The following PLEKHA6 variants were observed in gnomAD, a reference collection of about 807,000 sequenced individuals.
PLEKHA6 encodes the protein pleckstrin homology domain-containing family A member 6.
In PLEKHA6, 60 loss-of-function variants were observed where a neutral mutation model predicts 116.7. The observed-to-expected ratio is 0.51, with a 90% CI of 0.42 to 0.64. The LOEUF (loss-of-function observed/expected upper bound fraction) is 0.64, where lower values mean the gene tolerates loss of function less well. Among genes scored for constraint, PLEKHA6 ranks in the 30% least tolerant of loss-of-function variants. The pLI is 0.00. For synonymous variants in PLEKHA6, 489 were observed against 556.1 expected (o/e 0.88, Z 1.70); for missense variants, 1,338 against 1,422.7 (o/e 0.94, Z 0.96).
At position 204,244,013 on chromosome 1, in the gene PLEKHA6, G is replaced by C. The variant is rs547587505; in HGVS notation, c.2172+851C>G. Among the ~76,000 whole-genome samples, 5 of 151,160 alleles carry C rather than the reference G, an allele frequency of 3.3e-5. No homozygotes were observed. In the East Asian group the frequency reaches 9.8e-4, roughly 30 times the overall value. ...TTTTTTGTATTTTTTAGTAGAGACA[G>C]GGTTTCACTGTGTTAGCCAGGATGG... is the stretch of plus-strand genomic sequence containing the variant. On this transcript the variant is annotated intron_variant, in intron 15 of 22. Transcript: ENST00000272203.
Position 204,257,421 on chromosome 1 carries a change from G to A in PLEKHA6, c.1456C>T (p.Pro486Ser), listed in dbSNP as rs538673591. Residue 486 changes from proline to serine, a missense_variant, in exon 9 of 23, where the codon CCT becomes TCT. Transcript: ENST00000272203. This position sits in a 1 kb window ranked among gnomAD's most constrained non-coding sequence, Gnocchi z 6.5. ...SPSARFERLP[P>S]RSEDIYADPA... ...TCAGCATAGATGTCCTCACTGCGAGGTGGCAGCCGCTCAAAACGGGCACTG... is the reference window on the plus strand; with the variant it reads ...TCAGCATAGATGTCCTCACTGCGAGATGGCAGCCGCTCAAAACGGGCACTG... The A allele has an allele frequency of 4.8e-5, 75 of 1,565,302 alleles. No individual in the cohort carries two copies. The South Asian group carries it at 8.0e-4, about 17-fold the overall frequency.
intron 1 of PLEKHA6, among the ~76,000 whole-genome samples, chr1:204,315,660 A>G (rs973114340): frequency 2.6e-5 from 4 of 152,254 alleles, no homozygotes; most frequent in African/African-American, 7.2e-5. Context: ...TGTCCTGAGC[A>G]TGACAGTGCT....
intron 9 of PLEKHA6, among the ~76,000 whole-genome samples, chr1:204,253,805 G>A (rs1664881322): frequency 6.9e-6 from 1 of 145,648 alleles, no homozygotes; most frequent in Non-Finnish European, 1.5e-5. Flanking sequence ...CTATACTCTA[G>A]CCTAGGCAAC....
At chr1:204,283,213 A>G (rs922719703) in intron 1 of PLEKHA6, among the ~76,000 whole-genome samples, 2 of 133,628 alleles carry the variant, frequency 1.5e-5, no homozygotes, top group Admixed American at 7.5e-5. Flanking sequence ...AAGGAATTTT[A>G]CAAAGTGGGT....
intron 1 of PLEKHA6, among the ~76,000 whole-genome samples, chr1:204,313,377 C>T (rs6700091): frequency 0.51 from 76,866 of 151,806 alleles, 20,015 homozygotes; most frequent in Middle Eastern, 0.62. Flanking sequence ...GGAAAAACAC[C>T]GGGTTGTCCT....
At chr1:204,229,174 T>A in intron 18 of PLEKHA6, 70 bp from the exon 19 acceptor site, 2 of 1,475,150 alleles carry the variant, frequency 1.4e-6, no homozygotes, top group Admixed American at 1.8e-5. Flanking sequence ...CTATGCCCTG[T>A]CCTCGCTTTC....
chr1:204,236,282 C>G (rs1457811494), intron 17 of PLEKHA6, among the ~76,000 whole-genome samples: 1 of 152,130 alleles, frequency 6.6e-6, no homozygotes, highest in East Asian at 1.9e-4. Flanking sequence ...TAAAAGATGG[C>G]CCACTGTGAG....
Position 204,258,031 on chromosome 1 carries a change from G to GC in PLEKHA6, c.1008-163dup, listed in dbSNP as rs1665596674. Among the ~76,000 whole-genome samples, 3 of 152,022 alleles carry GC rather than the reference G, an allele frequency of 2.0e-5. No homozygotes were observed. In the South Asian group the frequency reaches 6.3e-4, roughly 32 times the overall value. ...TGAGGGAAAGACTCCTGTCCTCACA[G>GC]CCCCCCTCCTCAAACAACTCCCCAA... On this transcript the variant is annotated intron_variant, in intron 8 of 22. Coordinates refer to ENST00000272203, the MANE Select transcript of PLEKHA6 (RefSeq NM_014935.5).
chr1:204,317,156 T>C (rs995359269), intron 1 of PLEKHA6: 1 of 674,928 alleles, frequency 1.5e-6, no homozygotes, highest in Non-Finnish European at 1.8e-6. Flanking sequence ...TTGGTAAATA[T>C]AAAAATGTCT....
rs1179276082 is a variant in PLEKHA6 at position 204,241,827 on chromosome 1, G to A, written c.2173-13C>T. Reference sequence around the variant, plus strand: ...AGTTTGCCTTGGGCTGGGGAGAAAGGGTGAGAAGATGGTTGATGTTAGTAT... The same window carrying A: ...AGTTTGCCTTGGGCTGGGGAGAAAGAGTGAGAAGATGGTTGATGTTAGTAT... On this transcript the variant is annotated splice_polypyrimidine_tract_variant and intron_variant, in intron 15 of 22. Transcript: ENST00000272203. 2.5e-5 allele frequency: 41 copies of A among 1,613,882 alleles called. No homozygotes were observed. Among genetic ancestry groups the A allele is most frequent in the Non-Finnish European group, 3.4e-5 (40 of 1,179,922 alleles).
At chr1:204,240,534 A>G (rs939710728) in intron 17 of PLEKHA6, among the ~76,000 whole-genome samples, 4 of 152,202 alleles carry the variant, frequency 2.6e-5, no homozygotes, top group Non-Finnish European at 4.4e-5. Context: ...CCTTTATCAT[A>G]TGACATAGGA....
At chr1:204,314,343 C>T (rs1572167760) in intron 1 of PLEKHA6, among the ~76,000 whole-genome samples, 1 of 152,176 alleles carries the variant, frequency 6.6e-6, no homozygotes, top group African/African-American at 2.4e-5. Context: ...CCCCTGTGAG[C>T]CCGGGGAGAG....
At chr1:204,227,336 C>T (rs1441182892) in intron 21 of PLEKHA6, among the ~76,000 whole-genome samples, 1 of 152,202 alleles carries the variant, frequency 6.6e-6, no homozygotes, top group African/African-American at 2.4e-5. Context: ...AACAGTCTCC[C>T]AGGCTCCTTG....
At chr1:204,285,644 T>C (rs1350896792) in intron 1 of PLEKHA6, among the ~76,000 whole-genome samples, 1 of 152,178 alleles carries the variant, frequency 6.6e-6, no homozygotes, top group Non-Finnish European at 1.5e-5. Context: ...CTTGGCTAAT[T>C]TGTTGTATTT....
chr1:204,332,174 G>A (rs991270668), intron 1 of PLEKHA6, among the ~76,000 whole-genome samples: 1 of 152,184 alleles, frequency 6.6e-6, no homozygotes, highest in Non-Finnish European at 1.5e-5. Flanking sequence ...AGGGGACAGA[G>A]GGTTAACCCA....
At chr1:204,251,600 G>A (rs1254728484) in intron 9 of PLEKHA6, 5 of 702,624 alleles carry the variant, frequency 7.1e-6, no homozygotes, top group Non-Finnish European at 1.0e-5. Context: ...TGAGAGTCTC[G>A]CTCTCACTCA....
intron 1 of PLEKHA6, among the ~76,000 whole-genome samples, chr1:204,309,395 C>G (rs1404485316): frequency 6.6e-6 from 1 of 152,196 alleles, no homozygotes; most frequent in East Asian, 1.9e-4. Flanking sequence ...CAACGATGGA[C>G]CACATATACA....
rs781367397 is a variant in PLEKHA6 at position 204,221,577 on chromosome 1, C to G, written c.*1211G>C. On this transcript the variant is annotated 3_prime_UTR_variant, in exon 23 of 23. Coordinates refer to ENST00000272203, the MANE Select transcript of PLEKHA6 (RefSeq NM_014935.5). ...AGGCCTCCCAGATTAAGGCCTCATCCCCCCTCCTCAAGGCGTACTCTCAGC... is the reference window on the plus strand; with the variant it reads ...AGGCCTCCCAGATTAAGGCCTCATCGCCCCTCCTCAAGGCGTACTCTCAGC... The G allele has an allele frequency of 2.6e-5, 4 of 152,730 alleles. 1 individual carries two copies. The highest frequency in any genetic ancestry group is 3.4e-3 in the Middle Eastern group (1 of 294). The allele number at this position is 152,730 out of a possible 1,614,324, so 9.5% of individuals were successfully genotyped here.
intron 1 of PLEKHA6, among the ~76,000 whole-genome samples, chr1:204,318,323 G>T (rs1398557164): frequency 6.6e-6 from 1 of 152,186 alleles, no homozygotes; most frequent in Non-Finnish European, 1.5e-5. Flanking sequence ...ATGCAATTCA[G>T]CAGGGTAGGT....
Sources: allele counts gnomAD v4.1 joint callset (sites outside exome capture counted in the v4.1 genomes callset), GRCh38; gene constraint gnomAD v4.1.1; non-coding constraint Gnocchi (gnomAD v3.1); transcripts MANE v1.5; gene names NCBI Gene and HGNC (gene_info 2026-07-23, HGNC 2026-07-21).